CDK8: variants seen among roughly 807,000 people sequenced by gnomAD.
CDK8 encodes cyclin dependent kinase 8.
Under a neutral mutation model 71.5 loss-of-function variants are expected in CDK8, and 29 were observed. That is an observed-to-expected ratio of 0.41 (90% CI 0.30 to 0.55). The LOEUF (loss-of-function observed/expected upper bound fraction) is 0.55. Among genes scored for constraint, CDK8 ranks in the 20% least tolerant of loss-of-function variants. The probability of loss-of-function intolerance (pLI) is 0.37; values close to 1 mark genes in which losing one functional copy is unlikely to be tolerated. For synonymous variants in CDK8, 161 were observed against 192.1 expected (o/e 0.84, Z 1.34); for missense variants, 288 against 572.6 (o/e 0.50, Z 5.07).
intron 10 of CDK8, 88 bp downstream of exon 10, chr13:26,400,638 C>G: frequency 2.5e-6 from 2 of 807,946 alleles, no homozygotes; most frequent in Non-Finnish European, 4.3e-6. Flanking sequence ...GTTGCTCCTC[C>G]TCTTATATGG....
At chr13:26,288,632 T>C (rs1873141825) in intron 1 of CDK8, among the ~76,000 whole-genome samples, 1 of 151,762 alleles carries the variant, frequency 6.6e-6, no homozygotes, top group African/African-American at 2.4e-5. Flanking sequence ...AGGATTTTGC[T>C]TGGGGTTGCT....
rs943824658 is a variant in CDK8, at chr13:26,351,250, C to G, written c.315+2068C>G. Among the ~76,000 whole-genome samples, 4 of 152,106 alleles carry G rather than the reference C, an allele frequency of 2.6e-5. No homozygotes were observed. The South Asian group carries it at 8.3e-4, about 32-fold the overall frequency. On this transcript the variant is annotated intron_variant, in intron 3 of 12. Coordinates refer to ENST00000381527, the MANE Select transcript of CDK8 (RefSeq NM_001260.3). The stretch of plus-strand genomic sequence containing the variant: ...TGATTTGCATACTAATCTATATTTA[C>G]TAAATTAGCATGGCTATGCTTTTTA...
In CDK8 at chr13:26,295,418, A is replaced by G. The variant is rs138619706; in HGVS notation, c.128+40649A>G. On this transcript the variant is annotated intron_variant, in intron 1 of 12. Transcript: ENST00000381527. Reference sequence around the variant, plus strand: ...TAGTAGTGTCTCAGAGGGGAAGGCAAAAGAGTGATATTTATGAGGCTTTTG... The same window carrying G: ...TAGTAGTGTCTCAGAGGGGAAGGCAGAAGAGTGATATTTATGAGGCTTTTG... Among the ~76,000 whole-genome samples, 6 of 152,318 alleles carry G rather than the reference A, an allele frequency of 3.9e-5. No homozygotes were observed. In the East Asian group the frequency reaches 1.2e-3, roughly 29 times the overall value.
intron 4 of CDK8, among the ~76,000 whole-genome samples, chr13:26,361,006 C>G (rs1303233284): frequency 6.6e-6 from 1 of 152,144 alleles, no homozygotes; most frequent in Non-Finnish European, 1.5e-5. Flanking sequence ...TTTTATTGCT[C>G]TCTTCTTATA....
chr13:26,343,336 A>G (rs1873321632), intron 2 of CDK8, among the ~76,000 whole-genome samples: 1 of 152,172 alleles, frequency 6.6e-6, no homozygotes, highest in Admixed American at 6.5e-5. Flanking sequence ...AAATATTTGT[A>G]TATCTGAGCA....
chr13:26,324,620 G>A (rs1874939673), intron 1 of CDK8, among the ~76,000 whole-genome samples: 1 of 152,168 alleles, frequency 6.6e-6, no homozygotes, highest in Admixed American at 6.5e-5. Flanking sequence ...AACCATTTGA[G>A]TGCAAAAGTA....
intron 1 of CDK8, among the ~76,000 whole-genome samples, chr13:26,267,551 A>G (rs1872077258): frequency 2.0e-5 from 3 of 152,148 alleles, no homozygotes; most frequent in African/African-American, 7.2e-5. Context: ...ATTCTTTTTG[A>G]GCAGATAATG....
rs764028774 is a variant in CDK8, at chr13:26,404,090, G to A, written c.*9G>A. ...AGACACATCGGTACTGAGCTGCATC[G>A]GAATCTTGTCCATGCACTGTTGCGA... On this transcript the variant is annotated 3_prime_UTR_variant, in exon 13 of 13. Coordinates refer to ENST00000381527, the MANE Select transcript of CDK8 (RefSeq NM_001260.3). 14 of 1,613,322 alleles carry A rather than the reference G, an allele frequency of 8.7e-6. No homozygotes were observed. The highest frequency in any genetic ancestry group is 2.7e-5 in the African/African-American group (2 of 74,924).
chr13:26,382,987 C>G (rs566887337), intron 5 of CDK8, 116 bp downstream of exon 5: 4 of 559,992 alleles, frequency 7.1e-6, no homozygotes, highest in East Asian at 5.8e-5. Flanking sequence ...TCCATATGAT[C>G]GAAGCCATTT....
At chr13:26,369,153 CA>C (rs1291670062) in intron 4 of CDK8, among the ~76,000 whole-genome samples, 5 of 151,766 alleles carry the variant, frequency 3.3e-5, no homozygotes, top group South Asian at 2.1e-4. Context: ...AAAAGTCAGC[CA>C]GGGGCGGCAG....
intron 1 of CDK8, among the ~76,000 whole-genome samples, chr13:26,322,290 G>T (rs1308392254): frequency 1.3e-5 from 2 of 152,028 alleles, no homozygotes; most frequent in Admixed American, 1.3e-4. Flanking sequence ...AATAGAAAAG[G>T]TTAATATTAA....
intron 1 of CDK8, among the ~76,000 whole-genome samples, chr13:26,310,844 A>T (rs1874252846): frequency 6.6e-6 from 1 of 152,060 alleles, no homozygotes; most frequent in South Asian, 2.1e-4. Flanking sequence ...GTCTTCTCAA[A>T]GTTACTTTGT....
chr13:26,272,735 G>A (rs1872389575), intron 1 of CDK8, among the ~76,000 whole-genome samples: 1 of 152,124 alleles, frequency 6.6e-6, no homozygotes, highest in Admixed American at 6.5e-5. Context: ...CAGTGCAGTA[G>A]GTTTCTTCAC....
chr13:26,389,737 C>T (rs990555930), intron 6 of CDK8, among the ~76,000 whole-genome samples: 5 of 152,086 alleles, frequency 3.3e-5, no homozygotes, highest in African/African-American at 1.2e-4. Flanking sequence ...GTGGCTCACA[C>T]CTGTAATCCC....
At chr13:26,325,235 A>C (rs1874966215) in intron 1 of CDK8, among the ~76,000 whole-genome samples, 1 of 152,250 alleles carries the variant, frequency 6.6e-6, no homozygotes, top group Non-Finnish European at 1.5e-5. Flanking sequence ...AATCTTTTGA[A>C]TAAACTTACA....
chr13:26,398,536 C>T (rs1876097996), intron 9 of CDK8, among the ~76,000 whole-genome samples: 2 of 152,270 alleles, frequency 1.3e-5, no homozygotes, highest in East Asian at 1.9e-4. Flanking sequence ...TATTATAATT[C>T]CATTAAAACT....
intron 3 of CDK8, among the ~76,000 whole-genome samples, chr13:26,351,421 G>A (rs1187031879): frequency 6.6e-6 from 1 of 151,794 alleles, no homozygotes; most frequent in Non-Finnish European, 1.5e-5. Context: ...TGTTAAATCA[G>A]CGTGGCCAGT....
intron 6 of CDK8, among the ~76,000 whole-genome samples, chr13:26,392,791 C>T (rs775360603): frequency 1.3e-5 from 2 of 152,008 alleles, no homozygotes; most frequent in East Asian, 1.9e-4. Context: ...GTTTTGAGGT[C>T]GGACATTGTC....
At chr13:26,266,003 G>T (rs1872002127) in intron 1 of CDK8, among the ~76,000 whole-genome samples, 1 of 151,962 alleles carries the variant, frequency 6.6e-6, no homozygotes, top group Non-Finnish European at 1.5e-5. Flanking sequence ...GTGAGAGAGG[G>T]GATGAGGAGG....
Sources: allele counts gnomAD v4.1 joint callset (sites outside exome capture counted in the v4.1 genomes callset), GRCh38; gene constraint gnomAD v4.1.1; transcripts MANE v1.5; gene names NCBI Gene and HGNC (gene_info 2026-07-23, HGNC 2026-07-21).